Variants in ABCA4 observed in about 807,000 individuals in gnomAD.
ABCA4 encodes retinal-specific phospholipid-transporting ATPase ABCA4.
Under a neutral mutation model 263.7 loss-of-function variants are expected in ABCA4, and 196 were observed. The observed-to-expected ratio is 0.74, with a 90% CI of 0.66 to 0.84. The LOEUF is 0.84. Ranked by LOEUF, ABCA4 falls within the 40% of genes least tolerant of loss-of-function variation. ABCA4 has a pLI of 0.00. For missense variants in ABCA4, 2,792 were observed against 2,855.1 expected, an observed-to-expected ratio of 0.98 and a Z score of 0.50; for synonymous variants, 1,133 against 1,094.2, an observed-to-expected ratio of 1.04 and a Z score of -0.70.
At chr1:94,003,304 G>A (rs887482674) in intron 44 of ABCA4, among the ~76,000 whole-genome samples, 2 of 150,400 alleles carry the variant, frequency 1.3e-5, no homozygotes, top group African/African-American at 4.9e-5. Flanking sequence ...TATTTCCATA[G>A]CTCTTTCTTT....
chr1:94,008,935 A>G, intron 40 of ABCA4, 64 bp from the exon 41 acceptor site: 1 of 1,594,160 alleles, frequency 6.3e-7, no homozygotes, highest in Non-Finnish European at 8.5e-7. Context: ...TGTCCTTTCC[A>G]TGGGACCTCT....
chr1:94,120,879 C>CCCACCCTGCCCCA lies in ABCA4; in HGVS notation c.66+88_66+100dup, dbSNP rs908081972. ...CAAGCCCACTGACTGCTCACAACCC[C>CCCACCCTGCCCCA]CCACCCTGCCCCACCACCCTACCCC... On this transcript the variant is annotated intron_variant, in intron 1 of 49. Transcript: ENST00000370225. The CCCACCCTGCCCCA allele has an allele frequency of 7.8e-6, 5 of 641,822 alleles. No homozygotes were observed. The East Asian group carries it at 9.1e-5, about 12-fold the overall frequency. 39.8% of individuals were successfully genotyped at this position (641,822 alleles called of 1,614,324 possible).
intron 43 of ABCA4, among the ~76,000 whole-genome samples, chr1:94,006,795 G>T (rs1459411935): frequency 6.6e-6 from 1 of 152,228 alleles, no homozygotes; most frequent in East Asian, 1.9e-4. Flanking sequence ...AGAGGCCCCA[G>T]TCAAGCAGAT....
rs746129743 is a variant in ABCA4, at chr1:94,025,063, C to T, written c.4540-15G>A. On this transcript the variant is annotated splice_polypyrimidine_tract_variant and intron_variant, in intron 30 of 49. Coordinates refer to ENST00000370225, the MANE Select transcript of ABCA4 (RefSeq NM_000350.3). The stretch of plus-strand genomic sequence containing the variant: ...CGCTGTGTTCTCTGAGGCAATGAGA[C>T]ACCCACGTTAATTACCTTGGAACTT... 2.5e-6 allele frequency: 4 copies of T among 1,608,768 alleles called. 1 individual carries two copies. In the South Asian group the frequency reaches 4.4e-5, roughly 18 times the overall value.
At chr1:94,024,682 T>A (rs555493762) in intron 31 of ABCA4, among the ~76,000 whole-genome samples, 18 of 152,336 alleles carry the variant, frequency 1.2e-4, no homozygotes, top group African/African-American at 3.6e-4. Flanking sequence ...TGATATAACT[T>A]TTAATAATAC....
At chr1:94,082,189 A>G (rs1440365041) in intron 7 of ABCA4, among the ~76,000 whole-genome samples, 1 of 152,180 alleles carries the variant, frequency 6.6e-6, no homozygotes, top group East Asian at 1.9e-4. Flanking sequence ...GACATCTTGT[A>G]AGGGGTTATT....
rs899456220 is a variant in ABCA4, at chr1:94,008,663, A to G, written c.5835+88T>C. 3.1e-5 allele frequency: 49 copies of G among 1,573,996 alleles called. No homozygotes were observed. The African/African-American group carries it at 6.1e-4, about 20-fold the overall frequency. On this transcript the variant is annotated intron_variant, in intron 41 of 49. Coordinates refer to ENST00000370225, the MANE Select transcript of ABCA4 (RefSeq NM_000350.3). Reference sequence around the variant, plus strand: ...TGGGAACCAAATTGCTTGCATAAGCATATCAATTGTTCTATAGAAGGAAAA... The same window carrying G: ...TGGGAACCAAATTGCTTGCATAAGCGTATCAATTGTTCTATAGAAGGAAAA...
chr1:94,048,532 A>T (rs1368849808), intron 18 of ABCA4, among the ~76,000 whole-genome samples: 1 of 152,210 alleles, frequency 6.6e-6, no homozygotes, highest in Non-Finnish European at 1.5e-5. Context: ...TATCCGCTTT[A>T]AGTCCCAGTG....
intron 25 of ABCA4, 64 bp downstream of exon 25, chr1:94,037,081 A>G: frequency 6.5e-7 from 1 of 1,544,996 alleles, no homozygotes; most frequent in Non-Finnish European, 8.9e-7. Flanking sequence ...CTCTAATGTT[A>G]GACTTTTTCA....
intron 6 of ABCA4, among the ~76,000 whole-genome samples, chr1:94,096,191 A>G (rs1212508667): frequency 6.6e-6 from 1 of 152,164 alleles, no homozygotes; most frequent in Non-Finnish European, 1.5e-5. Flanking sequence ...TTATCTGGGA[A>G]GCTTTTTAAC....
intron 27 of ABCA4, 125 bp downstream of exon 27, chr1:94,031,653 A>G: frequency 7.6e-7 from 1 of 1,321,136 alleles, no homozygotes; most frequent in Non-Finnish European, 1.1e-6. Flanking sequence ...AAACAAAACC[A>G]GCAGAATCTA....
chr1:93,994,773 C>T (rs1231286637), intron 49 of ABCA4, among the ~76,000 whole-genome samples: 2 of 152,122 alleles, frequency 1.3e-5, no homozygotes, highest in Non-Finnish European at 2.9e-5. Context: ...AAAATGATCT[C>T]ATCCAATAAG....
At chr1:93,993,657 C>T (rs1385650258) in intron 49 of ABCA4, among the ~76,000 whole-genome samples, 3 of 152,014 alleles carry the variant, frequency 2.0e-5, no homozygotes, top group Non-Finnish European at 4.4e-5. Context: ...TTGACCACTT[C>T]CTGTAGGGGT....
intron 30 of ABCA4, among the ~76,000 whole-genome samples, chr1:94,028,804 G>T (rs114767722): frequency 1.3e-5 from 2 of 151,326 alleles, no homozygotes; most frequent in Non-Finnish European, 2.9e-5. Context: ...CCACTACTCG[G>T]GGGGGCTGAG....
At chr1:94,049,821 G>T (rs1056376361) in intron 17 of ABCA4, among the ~76,000 whole-genome samples, 1 of 150,808 alleles carries the variant, frequency 6.6e-6, no homozygotes, top group Non-Finnish European at 1.5e-5. Context: ...ATAAACACAC[G>T]CATTGAACAC....
intron 1 of ABCA4, among the ~76,000 whole-genome samples, chr1:94,114,608 T>A (rs1662702148): frequency 6.6e-6 from 1 of 152,130 alleles, no homozygotes; most frequent in Non-Finnish European, 1.5e-5. Context: ...TGCCTCAGCC[T>A]CCTGAGTAGC....
rs748907485 is a variant in ABCA4, at chr1:94,010,895, G to A, written c.5619C>T (p.Asp1873=). 18 of 1,613,970 alleles carry A rather than the reference G, an allele frequency of 1.1e-5. No homozygotes were observed. The highest frequency in any genetic ancestry group is 1.6e-4 in the Middle Eastern group (1 of 6,084). Reference sequence around the variant, plus strand: ...TGGCAAACAGGTTCTTCCCAATCAGGTCCCAGTGGAACGGATTTGCAGAGT... The same window carrying A: ...TGGCAAACAGGTTCTTCCCAATCAGATCCCAGTGGAACGGATTTGCAGAGT... The part of the protein sequence containing the change: ...EEHSANPFHW[D]LIGKNLFAMV... Residue 1873 remains aspartate (D), a synonymous_variant, in exon 40 of 50, where the codon GAC becomes GAT. Transcript: ENST00000370225.
At chr1:94,059,558 T>C (rs997585063) in intron 14 of ABCA4, 2 of 152,196 alleles carry the variant, frequency 1.3e-5, no homozygotes, top group African/African-American at 4.8e-5. Context: ...GATGGAACAT[T>C]TGTGGATCAG....
In ABCA4 at chr1:94,120,975, G is replaced by C; in HGVS notation, c.66+5C>G. On this transcript the variant is annotated splice_donor_5th_base_variant and intron_variant, in intron 1 of 49. Transcript: ENST00000370225. ...CATTTTTAAACCACAGACAGTAACT[G>C]TTACCTTTTGCCTTTTCCGCAGGGT... is the stretch of plus-strand genomic sequence containing the variant. 1 of 1,542,142 alleles carries C rather than the reference G, an allele frequency of 6.5e-7. No individual in the cohort carries two copies. Among genetic ancestry groups the C allele is most frequent in the African/African-American group, 1.4e-5 (1 of 70,278 alleles).
Sources: allele counts gnomAD v4.1 joint callset (sites outside exome capture counted in the v4.1 genomes callset), GRCh38; gene constraint gnomAD v4.1.1; transcripts MANE v1.5; gene names NCBI Gene and HGNC (gene_info 2026-07-23, HGNC 2026-07-21).